The following RAD51B variants were observed in gnomAD, a reference collection of about 807,000 sequenced individuals.
RAD51B encodes the protein DNA repair protein RAD51 homolog 2.
RAD51B carries 38 observed loss-of-function variants against 42.2 expected under a neutral mutation model. That is an observed-to-expected ratio of 0.90 (90% CI 0.70 to 1.18). The LOEUF (loss-of-function observed/expected upper bound fraction) is 1.18, where lower values mean the gene tolerates loss of function less well. RAD51B is among the 50% of genes most tolerant of loss of function. The pLI, the probability that RAD51B is intolerant of heterozygous loss-of-function variation, is 0.00. For missense variants in RAD51B, 373 were observed against 400.7 expected, an observed-to-expected ratio of 0.93 and a Z score of 0.59; for synonymous variants, 154 against 145.2, an observed-to-expected ratio of 1.06 and a Z score of -0.43.
chr14:68,683,096 A>C (rs1893471748), intron 11 of RAD51B: 1 of 294,538 alleles, frequency 3.4e-6, no homozygotes, highest in Non-Finnish European at 4.7e-6. Flanking sequence ...GCCTGCCAAA[A>C]CGTACTGTAA....
intron 3 of RAD51B, among the ~76,000 whole-genome samples, chr14:67,829,248 CTT>C (rs530340727): frequency 2.1e-5 from 3 of 144,812 alleles, no homozygotes; most frequent in Admixed American, 6.9e-5. Flanking sequence ...TTCTTTCTTT[CTT>C]TTTTTTTTTT....
intron 10 of RAD51B, among the ~76,000 whole-genome samples, chr14:68,519,377 G>A (rs1886409186): frequency 6.6e-6 from 1 of 152,206 alleles, no homozygotes; most frequent in South Asian, 2.1e-4. Context: ...AAGTCCCTGA[G>A]GTTATTAATA....
intron 7 of RAD51B, among the ~76,000 whole-genome samples, chr14:68,199,872 G>A (rs1269986948): frequency 6.6e-6 from 1 of 152,150 alleles, no homozygotes; most frequent in East Asian, 1.9e-4. Context: ...TTGTCTGGCA[G>A]GTTTGGCCCA....
At chr14:67,863,724 C>T (rs1475185089) in intron 4 of RAD51B, among the ~76,000 whole-genome samples, 1 of 152,108 alleles carries the variant, frequency 6.6e-6, no homozygotes, top group Non-Finnish European at 1.5e-5. Flanking sequence ...TTGGGCGCCA[C>T]AACTAATGTG....
chr14:68,515,000 C>G (rs1310239475), intron 10 of RAD51B, among the ~76,000 whole-genome samples: 3 of 152,146 alleles, frequency 2.0e-5, no homozygotes, highest in African/African-American at 7.2e-5. Context: ...AGGGCCTGAC[C>G]TAGCCCAGAA....
At chr14:68,138,485 G>A (rs1329181402) in intron 7 of RAD51B, among the ~76,000 whole-genome samples, 1 of 151,986 alleles carries the variant, frequency 6.6e-6, no homozygotes, top group Non-Finnish European at 1.5e-5. Context: ...TTCTCTTCAA[G>A]GAGAAAAGAA....
intron 7 of RAD51B, among the ~76,000 whole-genome samples, chr14:68,063,314 T>C (rs966779929): frequency 1.3e-5 from 2 of 152,132 alleles, no homozygotes; most frequent in Admixed American, 1.3e-4. Context: ...TAATCCCCAG[T>C]GTTGGAGGTG....
chr14:68,274,757 C>T (rs1170872115), intron 7 of RAD51B, among the ~76,000 whole-genome samples: 2 of 152,056 alleles, frequency 1.3e-5, no homozygotes, highest in African/African-American at 2.4e-5. Flanking sequence ...ATATCAAATG[C>T]CCTATATTCT....
intron 8 of RAD51B, among the ~76,000 whole-genome samples, chr14:68,330,776 C>T (rs1309869054): frequency 1.3e-5 from 2 of 151,998 alleles, no homozygotes; most frequent in African/African-American, 4.8e-5. Flanking sequence ...TCAGTATAGC[C>T]ATTAGCAATT....
chr14:68,518,729 C>A (rs1304966609), intron 10 of RAD51B, among the ~76,000 whole-genome samples: 1 of 152,328 alleles, frequency 6.6e-6, no homozygotes, highest in East Asian at 1.9e-4. Flanking sequence ...CTGGGTTGAA[C>A]AAGGTTAGCA....
Position 67,865,133 on chromosome 14 carries a change from C to T in RAD51B, c.446C>T (p.Ala149Val), listed in dbSNP as rs755777578. The change falls in exon 5 of 11, where the codon GCT becomes GTT. Residue 149 changes from alanine (A) to valine (V), a missense_variant. Physicochemically the swap from Ala to Val is moderately conservative, Grantham distance 64. Transcript: ENST00000471583. ...VYIDTESAFS[A>V]ERLVEIAESR... The stretch of plus-strand genomic sequence containing the variant: ...ATTGACACAGAGTCTGCATTTAGTG[C>T]TGAAAGGTATGAGATTTTATTTTCT... 7.5e-6 allele frequency: 12 copies of T among 1,592,296 alleles called. No homozygotes were observed. Among genetic ancestry groups the T allele is most frequent in the Non-Finnish European group, 1.0e-5 (12 of 1,171,656 alleles).
At chr14:68,540,148 G>A in intron 10 of RAD51B, 1 of 994,848 alleles carries the variant, frequency 1.0e-6, no homozygotes, top group Non-Finnish European at 1.2e-6. Context: ...CAGGACATGA[G>A]GGAATCCTAC....
chr14:68,005,549 C>T (rs1374468723), intron 7 of RAD51B, among the ~76,000 whole-genome samples: 1 of 152,134 alleles, frequency 6.6e-6, no homozygotes, highest in African/African-American at 2.4e-5. Flanking sequence ...ATATTCTTAC[C>T]AGCAGTGTTG....
At chr14:68,599,594 C>A (rs2064827), downstream of RAD51B, among the ~76,000 whole-genome samples, 110,832 of 152,102 alleles carry the variant, frequency 0.73, 41,054 homozygotes, top group Non-Finnish European at 0.79. Context: ...CCATCAGATC[C>A]GCCCCATCTA....
chr14:68,544,339 A>G (rs919784386), intron 10 of RAD51B, among the ~76,000 whole-genome samples: 17 of 152,186 alleles, frequency 1.1e-4, no homozygotes, highest in African/African-American at 3.9e-4. Flanking sequence ...ACCACTTACT[A>G]CAGTCCTCTG....
chr14:68,438,546 T>G (rs1369109234), intron 9 of RAD51B, among the ~76,000 whole-genome samples: 7 of 152,148 alleles, frequency 4.6e-5, no homozygotes, highest in Non-Finnish European at 1.0e-4. Context: ...CATCAAGAAT[T>G]AGGTTGGAGA....
At chr14:68,255,753 GT>G (rs528224933) in intron 7 of RAD51B, among the ~76,000 whole-genome samples, 200 of 152,298 alleles carry the variant, frequency 1.3e-3, no homozygotes, top group African/African-American at 4.6e-3. Flanking sequence ...TTTATACAAT[GT>G]GTATTGCTAC....
At chr14:67,980,598 A>C (rs978384432) in intron 7 of RAD51B, among the ~76,000 whole-genome samples, 4 of 152,208 alleles carry the variant, frequency 2.6e-5, no homozygotes, top group African/African-American at 4.8e-5. Flanking sequence ...TCTTATGTAC[A>C]TGGGCAACTA....
Position 67,861,068 on chromosome 14 carries a change from C to T in RAD51B, c.316-3935C>T, listed in dbSNP as rs549923123. ...ATTACCTGGGTATGGTGATGTGTGC[C>T]TGTAGTTCCAGCCGCTTGAGTGGTG... is the stretch of plus-strand genomic sequence containing the variant. On this transcript the variant is annotated intron_variant, in intron 4 of 10. Coordinates refer to ENST00000471583, the MANE Select transcript of RAD51B (RefSeq NM_133510.4). 3.3e-5 allele frequency among the ~76,000 whole-genome samples: 5 copies of T among 152,062 alleles called. No homozygotes were observed. In the Middle Eastern group the frequency reaches 0.014, roughly 414 times the overall value.
Sources: gnomAD v4.1 joint callset for allele counts (sites outside exome capture counted in the v4.1 genomes callset) on GRCh38, gnomAD v4.1.1 for gene constraint, MANE v1.5 for transcripts, NCBI Gene and HGNC (gene_info 2026-07-23, HGNC 2026-07-21) for gene names.